EXOC2: variants seen among roughly 807,000 people sequenced by gnomAD.
EXOC2 encodes SEC5-like 1.
Under a neutral mutation model 131.8 loss-of-function variants are expected in EXOC2, and 70 were observed. That is an observed-to-expected ratio of 0.53 (90% confidence interval 0.44 to 0.65). EXOC2 has a LOEUF of 0.65. EXOC2 is among the 30% of genes least tolerant of loss of function. The pLI is 0.00. For missense variants in EXOC2, 923 were observed against 1,108.6 expected, an observed-to-expected ratio of 0.83 and a Z score of 2.38; for synonymous variants, 411 against 398.4, an observed-to-expected ratio of 1.03 and a Z score of -0.38.
chr6:517,933 G>C (rs2127517211), intron 23 of EXOC2, among the ~76,000 whole-genome samples: 1 of 152,274 alleles, frequency 6.6e-6, no homozygotes, highest in Admixed American at 6.5e-5. Context: ...AGATGGGTGG[G>C]TAACAGGCAA....
At chr6:577,736 G>C (rs1758662510) in intron 11 of EXOC2, among the ~76,000 whole-genome samples, 1 of 152,138 alleles carries the variant, frequency 6.6e-6, no homozygotes, top group East Asian at 1.9e-4. Flanking sequence ...CTGTGCATAG[G>C]ACACTTGAAT....
chr6:506,490 ACT>A lies in EXOC2; in HGVS notation c.2381-6792_2381-6791del, dbSNP rs1377507867. Among the ~76,000 whole-genome samples the A allele has an allele frequency of 6.6e-6, 1 of 152,214 alleles. No individual in the cohort carries two copies. Among genetic ancestry groups the A allele is most frequent in the Non-Finnish European group, 1.5e-5 (1 of 68,036 alleles). ...ACATTATTATGCTGCAGTAATAAGTACTGTTTTTAAAAAGGTTCCCCTTCAAT... is the reference window on the plus strand; with the variant it reads ...ACATTATTATGCTGCAGTAATAAGTAGTTTTTAAAAAGGTTCCCCTTCAAT... On this transcript the variant is annotated intron_variant, in intron 23 of 27. Transcript: ENST00000230449. This position sits in a 1 kb window ranked among gnomAD's most constrained non-coding sequence, Gnocchi z 4.4.
chr6:495,414 G>A lies in EXOC2; in HGVS notation c.2559+1953C>T, dbSNP rs142070094. Among the ~76,000 whole-genome samples the A allele has an allele frequency of 3.1e-3, 470 of 151,766 alleles. 5 individuals carry two copies. Among genetic ancestry groups the A allele is most frequent in the Middle Eastern group, 0.011 (3 of 284 alleles). Reference sequence around the variant, plus strand: ...GCTGGGATTACAGGTGTGAGCCACCGCGCCCGGCCTGAACATTCTTATAAA... The same window carrying A: ...GCTGGGATTACAGGTGTGAGCCACCACGCCCGGCCTGAACATTCTTATAAA... On this transcript the variant is annotated intron_variant, in intron 25 of 27. Coordinates refer to ENST00000230449, the MANE Select transcript of EXOC2 (RefSeq NM_018303.6).
At chr6:611,759 A>AT (rs1366404652) in intron 6 of EXOC2, among the ~76,000 whole-genome samples, 1 of 152,246 alleles carries the variant, frequency 6.6e-6, no homozygotes, top group Non-Finnish European at 1.5e-5. Context: ...AACTTGGTAC[A>AT]TGATCATAGG....
intron 10 of EXOC2, among the ~76,000 whole-genome samples, chr6:595,366 T>C (rs1389261488): frequency 6.6e-6 from 1 of 152,066 alleles, no homozygotes; most frequent in Non-Finnish European, 1.5e-5. Flanking sequence ...TCTGATCTTA[T>C]TTTTCTATTT....
intron 21 of EXOC2, among the ~76,000 whole-genome samples, chr6:553,631 GT>G (rs767509750): frequency 2.0e-5 from 3 of 152,112 alleles, no homozygotes; most frequent in Non-Finnish European, 4.4e-5. Flanking sequence ...GATGCAGACA[GT>G]ATATGGAATG....
intron 9 of EXOC2, among the ~76,000 whole-genome samples, chr6:598,483 A>G (rs1031694288): frequency 1.5e-4 from 23 of 152,212 alleles, no homozygotes; most frequent in African/African-American, 5.3e-4. Flanking sequence ...AAAGTTGCTG[A>G]GCTTCCTTTA....
intron 1 of EXOC2, among the ~76,000 whole-genome samples, chr6:664,031 A>G (rs974730463): frequency 3.3e-5 from 5 of 151,890 alleles, no homozygotes; most frequent in African/African-American, 1.2e-4. Flanking sequence ...TACCTTGAAA[A>G]CTCTAAGGAC....
At chr6:616,011 A>G (rs1760981342) in intron 6 of EXOC2, among the ~76,000 whole-genome samples, 1 of 152,200 alleles carries the variant, frequency 6.6e-6, no homozygotes, top group South Asian at 2.1e-4. Flanking sequence ...TTATACTTTC[A>G]TCTCCACTTT....
chr6:580,669 T>C (rs1758839992), intron 11 of EXOC2, among the ~76,000 whole-genome samples: 2 of 152,138 alleles, frequency 1.3e-5, no homozygotes, highest in African/African-American at 4.8e-5. Context: ...ATGCAGTTGG[T>C]ATCAGGTTCT....
chr6:618,126 C>T (rs1581567385), intron 5 of EXOC2, among the ~76,000 whole-genome samples: 1 of 151,864 alleles, frequency 6.6e-6, no homozygotes, highest in African/African-American at 2.4e-5. Context: ...GTTTTTATAA[C>T]CTATATATAA....
chr6:569,373 C>T (rs1758145473), intron 13 of EXOC2, among the ~76,000 whole-genome samples: 1 of 152,330 alleles, frequency 6.6e-6, no homozygotes, highest in Non-Finnish European at 1.5e-5. Context: ...TTCACATGGC[C>T]TTCACTGGCT....
chr6:654,997 C>G (rs1763007059), intron 1 of EXOC2, among the ~76,000 whole-genome samples: 1 of 152,006 alleles, frequency 6.6e-6, no homozygotes, highest in South Asian at 2.1e-4. Context: ...GAAACAACAA[C>G]AAAAGATTTA....
chr6:635,122 A>C (rs1762040627), intron 2 of EXOC2, among the ~76,000 whole-genome samples: 1 of 152,254 alleles, frequency 6.6e-6, no homozygotes, highest in African/African-American at 2.4e-5. Flanking sequence ...AGAATGAAGA[A>C]CAACCCAACA....
chr6:529,311 C>T (rs181329563), intron 23 of EXOC2, among the ~76,000 whole-genome samples: 1 of 152,344 alleles, frequency 6.6e-6, no homozygotes, highest in East Asian at 1.9e-4. Context: ...TTTCACCTGA[C>T]AGACATTCTC....
intron 11 of EXOC2, among the ~76,000 whole-genome samples, chr6:577,790 G>A (rs530167276): frequency 6.6e-6 from 1 of 152,174 alleles, no homozygotes; most frequent in Non-Finnish European, 1.5e-5. Context: ...TGCCTTATTT[G>A]CTATCCTCTC....
chr6:497,303 A>G, intron 25 of EXOC2, 64 bp downstream of exon 25: 1 of 1,520,222 alleles, frequency 6.6e-7, no homozygotes, highest in Non-Finnish European at 9.1e-7. Flanking sequence ...ATTGATGACT[A>G]AAAACATTTT....
intron 21 of EXOC2, among the ~76,000 whole-genome samples, chr6:550,619 G>A (rs558772056): frequency 2.0e-5 from 3 of 152,304 alleles, no homozygotes; most frequent in Non-Finnish European, 4.4e-5. Flanking sequence ...TCCACGTTTC[G>A]TGAATAAACG....
intron 23 of EXOC2, among the ~76,000 whole-genome samples, chr6:514,620 G>GC (rs1208416049): frequency 5.9e-5 from 9 of 152,354 alleles, no homozygotes; most frequent in Non-Finnish European, 1.2e-4. Context: ...TTTCTTAGGA[G>GC]CTGCAGGGCG....
Sources: allele counts gnomAD v4.1 joint callset (sites outside exome capture counted in the v4.1 genomes callset), GRCh38; gene constraint gnomAD v4.1.1; non-coding constraint Gnocchi (gnomAD v3.1); transcripts MANE v1.5; gene names NCBI Gene and HGNC (gene_info 2026-07-23, HGNC 2026-07-21).